SSBP3: variants seen among roughly 807,000 people sequenced by gnomAD.
The protein encoded by SSBP3 is single stranded DNA binding protein 3.
A neutral mutation model predicts 69.6 loss-of-function variants in SSBP3; 5 were observed. That is an observed-to-expected ratio of 0.07 (90% CI 0.04 to 0.15). SSBP3 has a LOEUF of 0.15. SSBP3 is among the 10% of genes least tolerant of loss of function. The probability of loss-of-function intolerance (pLI) is 1.00; values close to 1 mark genes in which losing one functional copy is unlikely to be tolerated. For missense variants in SSBP3, 312 were observed against 534.0 expected, an observed-to-expected ratio of 0.58 and a Z score of 4.10; for synonymous variants, 196 against 193.4, an observed-to-expected ratio of 1.01 and a Z score of -0.11.
intron 14 of SSBP3, among the ~76,000 whole-genome samples, chr1:54,235,302 G>C (rs1414076849): frequency 1.8e-5 from 2 of 113,364 alleles, no homozygotes; most frequent in Non-Finnish European, 3.5e-5. Flanking sequence ...TTTTTTTTGA[G>C]ACAGAGTCTC....
At chr1:54,269,436 T>A in intron 5 of SSBP3, among the ~76,000 whole-genome samples, 1 of 152,180 alleles carries the variant, frequency 6.6e-6, no homozygotes, top group East Asian at 1.9e-4. Flanking sequence ...GACACTATGG[T>A]CCAGGAAGGG....
intron 4 of SSBP3, among the ~76,000 whole-genome samples, chr1:54,318,014 T>C (rs2100347883): frequency 6.6e-6 from 1 of 152,320 alleles, no homozygotes; most frequent in Non-Finnish European, 1.5e-5. Flanking sequence ...GTGATCCACC[T>C]GCTTTGGCCT....
intron 9 of SSBP3, among the ~76,000 whole-genome samples, chr1:54,244,310 G>T (rs919730428): frequency 6.6e-6 from 1 of 152,128 alleles, no homozygotes; most frequent in Non-Finnish European, 1.5e-5. Context: ...CACCATGTTG[G>T]CCAGGCTGGT....
intron 5 of SSBP3, among the ~76,000 whole-genome samples, chr1:54,275,379 T>TGTCACAA (rs1199080802): frequency 6.6e-6 from 1 of 152,242 alleles, no homozygotes; most frequent in Non-Finnish European, 1.5e-5. Flanking sequence ...AGTCTCCCCT[T>TGTCACAA]GTCACAAACT....
Position 54,385,434 on chromosome 1 carries a change from T to C in SSBP3, c.276+16427A>G, listed in dbSNP as rs1001040606. On this transcript the variant is annotated intron_variant, in intron 4 of 17. Transcript: ENST00000610401. ...TATCAGTGGGGAAGCTTTTAAAATGTTCTCTCTCCTAGCACTGTCCCTTCC... is the reference window on the plus strand; with the variant it reads ...TATCAGTGGGGAAGCTTTTAAAATGCTCTCTCTCCTAGCACTGTCCCTTCC... Among the ~76,000 whole-genome samples, 12 of 152,112 alleles carry C rather than the reference T, an allele frequency of 7.9e-5. 1 individual carries two copies. Among genetic ancestry groups the C allele is most frequent in the Non-Finnish European group, 1.6e-4 (11 of 68,018 alleles).
chr1:54,228,956 C>T, intron 14 of SSBP3, 130 bp from the exon 15 acceptor site: 1 of 934,956 alleles, frequency 1.1e-6, no homozygotes, highest in Non-Finnish European at 1.7e-6. Flanking sequence ...TCTGCTCACA[C>T]TCGGACATGT....
intron 4 of SSBP3, among the ~76,000 whole-genome samples, chr1:54,289,041 A>AAC (rs1645553282): frequency 3.7e-5 from 2 of 54,062 alleles, no homozygotes; most frequent in African/African-American, 2.6e-4. Context: ...AAAAAACAAA[A>AAC]AAACAAAAAA....
At position 54,227,183 on chromosome 1, in the gene SSBP3, G is replaced by T. The variant is rs764276864; in HGVS notation, c.1138-23C>A. On this transcript the variant is annotated intron_variant, in intron 17 of 17. Coordinates refer to ENST00000610401, the Ensembl canonical transcript of SSBP3. The stretch of plus-strand genomic sequence containing the variant: ...ATACTGGAAAGGAGAAGCAGAGAAG[G>T]GGGGGGGGTGAGGATTGTGGGGAGG... The T allele has an allele frequency of 7.8e-6, 9 of 1,158,212 alleles. 1 individual carries two copies. The highest frequency in any genetic ancestry group is 4.9e-5 in the African/African-American group (3 of 60,856). 71.7% of individuals were successfully genotyped at this position (1,158,212 alleles called of 1,614,324 possible). A position where few individuals can be genotyped will look rare whatever the true frequency, so the allele number is the denominator to read the frequency against.
chr1:54,345,699 A>G (rs2100548681), intron 4 of SSBP3, among the ~76,000 whole-genome samples: 1 of 152,322 alleles, frequency 6.6e-6, no homozygotes, highest in South Asian at 2.1e-4. Context: ...ACCATGGCAC[A>G]GAGCAGATTC....
intron 5 of SSBP3, among the ~76,000 whole-genome samples, chr1:54,270,579 T>C (rs1235011387): frequency 3.9e-5 from 6 of 152,174 alleles, no homozygotes; most frequent in Non-Finnish European, 8.8e-5. Context: ...CACACATCAA[T>C]GTCACTAAGG....
chr1:54,257,457 GAA>G (rs1644941991), intron 6 of SSBP3, among the ~76,000 whole-genome samples: 1 of 152,090 alleles, frequency 6.6e-6, no homozygotes, highest in Non-Finnish European at 1.5e-5. Flanking sequence ...CATAAGAAAC[GAA>G]AAACAGTTAA....
chr1:54,359,870 C>T (rs1197861779), intron 4 of SSBP3, among the ~76,000 whole-genome samples: 1 of 152,072 alleles, frequency 6.6e-6, no homozygotes, highest in Admixed American at 6.5e-5. Context: ...TGGGGACCAC[C>T]GTGACCAGTT....
intron 17 of SSBP3, 85 bp from the exon 18 acceptor site, chr1:54,227,245 C>A: frequency 2.5e-6 from 2 of 813,198 alleles, no homozygotes; most frequent in East Asian, 2.4e-5. Context: ...CCTGGGGTGA[C>A]TGCACAGAAC....
chr1:54,313,206 G>A (rs1247496441), intron 4 of SSBP3, among the ~76,000 whole-genome samples: 1 of 152,008 alleles, frequency 6.6e-6, no homozygotes, highest in African/African-American at 2.4e-5. Flanking sequence ...CAGCTGCCCA[G>A]GGACCAATCG....
chr1:54,400,047 C>T (rs922709160), intron 4 of SSBP3, among the ~76,000 whole-genome samples: 1 of 152,182 alleles, frequency 6.6e-6, no homozygotes, highest in African/African-American at 2.4e-5. Flanking sequence ...TAAATGTCAA[C>T]GCCAACCTCA....
chr1:54,405,221 C>T (rs922015540), intron 1 of SSBP3, among the ~76,000 whole-genome samples: 2 of 152,222 alleles, frequency 1.3e-5, no homozygotes, highest in African/African-American at 4.8e-5. Context: ...AACTCGCAAG[C>T]CACTCGACCC....
At chr1:54,315,865 T>G (rs1646088140) in intron 4 of SSBP3, among the ~76,000 whole-genome samples, 1 of 152,032 alleles carries the variant, frequency 6.6e-6, no homozygotes, top group South Asian at 2.1e-4. Context: ...TCGCGCCATA[T>G]TGCCCAGATT....
chr1:54,311,465 C>T (rs868769775), intron 4 of SSBP3, among the ~76,000 whole-genome samples: 28 of 152,292 alleles, frequency 1.8e-4, no homozygotes, highest in African/African-American at 4.6e-4. Flanking sequence ...CAGGACCTGT[C>T]GTGAGGCTCC....
At chr1:54,342,116 C>G (rs927177745) in intron 4 of SSBP3, among the ~76,000 whole-genome samples, 3 of 152,178 alleles carry the variant, frequency 2.0e-5, no homozygotes, top group Non-Finnish European at 4.4e-5. Flanking sequence ...CGGAGAGCAC[C>G]AGGAGAGGTA....
Sources: gnomAD v4.1 joint callset for allele counts (sites outside exome capture counted in the v4.1 genomes callset) on GRCh38, gnomAD v4.1.1 for gene constraint, MANE v1.5 for transcripts, NCBI Gene and HGNC (gene_info 2026-07-23, HGNC 2026-07-21) for gene names.